Variants in STARD13 observed in about 807,000 individuals in gnomAD.
STARD13 encodes the protein stAR-related lipid transfer protein 13.
Under a neutral mutation model 106.4 loss-of-function variants are expected in STARD13, and 62 were observed. The ratio of observed to expected loss-of-function variants is 0.58; its 90% CI spans 0.48 to 0.72. The LOEUF is 0.72. STARD13 is among the 30% of genes least tolerant of loss of function. STARD13 has a pLI of 0.00. For missense variants in STARD13, 1,387 were observed against 1,424.0 expected (o/e 0.97, Z 0.42); for synonymous variants, 565 against 553.0 (o/e 1.02, Z -0.31).
chr13:33,127,846 A>T (rs935756611), intron 5 of STARD13, among the ~76,000 whole-genome samples: 1 of 148,988 alleles, frequency 6.7e-6, no homozygotes, highest in South Asian at 2.2e-4. Flanking sequence ...GCAAGCTGAG[A>T]CAGTGTGTGT....
At chr13:33,143,865 A>G (rs1880176250) in intron 3 of STARD13, among the ~76,000 whole-genome samples, 1 of 152,156 alleles carries the variant, frequency 6.6e-6, no homozygotes, top group Non-Finnish European at 1.5e-5. Flanking sequence ...TCCAGTTTTG[A>G]CCAATGAATT....
chr13:33,411,433 C>T, the STARD13 span, among the ~76,000 whole-genome samples: 1 of 152,054 alleles, frequency 6.6e-6, no homozygotes, highest in Admixed American at 6.6e-5. Context: ...TGCTCAAATG[C>T]ATTTCTGCTA....
At chr13:33,377,189 T>C in the STARD13 span, among the ~76,000 whole-genome samples, 3 of 152,230 alleles carry the variant, frequency 2.0e-5, no homozygotes, top group African/African-American at 7.2e-5. Flanking sequence ...CATCTCCTTT[T>C]CCATCAATAA....
the STARD13 span, among the ~76,000 whole-genome samples, chr13:33,650,881 G>A: frequency 9.5e-4 from 144 of 152,354 alleles, no homozygotes; most frequent in African/African-American, 3.4e-3. Flanking sequence ...AATCCCCTCT[G>A]GGGGAAGGCC....
intron 1 of STARD13, chr13:33,350,230 G>T: frequency 1.4e-6 from 2 of 1,464,634 alleles, no homozygotes; most frequent in South Asian, 2.7e-5. Flanking sequence ...GGGCCCGGGC[G>T]GGCTACGGGG....
intron 7 of STARD13, among the ~76,000 whole-genome samples, chr13:33,123,140 C>CAGGCA (rs1187162485): frequency 6.7e-6 from 1 of 149,702 alleles, no homozygotes; most frequent in Non-Finnish European, 1.5e-5. Flanking sequence ...TTATCTGAGG[C>CAGGCA]AGGCAACAGA....
rs527943341 is a variant in STARD13 at position 33,157,081 on chromosome 13, AAT to A, written c.323+8254_323+8255del. Among the ~76,000 whole-genome samples the A allele has an allele frequency of 2.6e-3, 400 of 152,304 alleles. 3 individuals carry two copies. Among genetic ancestry groups the A allele is most frequent in the Middle Eastern group, 0.014 (4 of 294 alleles). ...AAGACTTTAATTATTTAATATTATT[AAT>A]GTTATTCAACATACTCGAATCAAGT... On this transcript the variant is annotated intron_variant, in intron 3 of 13. Coordinates refer to ENST00000336934, the MANE Select transcript of STARD13 (RefSeq NM_178006.4).
At chr13:33,177,872 AG>A (rs1328482519) in intron 1 of STARD13, among the ~76,000 whole-genome samples, 5 of 11,564 alleles carry the variant, frequency 4.3e-4, no homozygotes, top group African/African-American at 2.8e-3. Context: ...GAAGGAAGGA[AG>A]GAAAGGAAGG....
the STARD13 span, among the ~76,000 whole-genome samples, chr13:33,662,249 A>G: frequency 1.1e-4 from 16 of 149,210 alleles, no homozygotes; most frequent in African/African-American, 3.8e-4. Flanking sequence ...GCGACAGAGC[A>G]AGACCCCGTC....
chr13:33,384,106 A>G, the STARD13 span, among the ~76,000 whole-genome samples: 1 of 152,346 alleles, frequency 6.6e-6, no homozygotes, highest in South Asian at 2.1e-4. Context: ...TGGCTAGCCC[A>G]GCTCTACAGC....
At chr13:33,568,743 A>G in the STARD13 span, among the ~76,000 whole-genome samples, 10 of 148,410 alleles carry the variant, frequency 6.7e-5, 2 homozygotes, top group African/African-American at 2.5e-4. Context: ...AGGCCTCAAC[A>G]TAATTTATAG....
chr13:33,642,786 G>C, the STARD13 span, among the ~76,000 whole-genome samples: 2 of 151,590 alleles, frequency 1.3e-5, no homozygotes, highest in East Asian at 3.9e-4. Flanking sequence ...GACAGTGGGG[G>C]CTGTGAGATC....
rs148386830 is a variant in STARD13 at position 33,214,623 on chromosome 13, T to C, written c.170-47001A>G. 9.2e-5 allele frequency among the ~76,000 whole-genome samples: 14 copies of C among 152,090 alleles called. No individual in the cohort carries two copies. The East Asian group carries it at 2.7e-3, about 29-fold the overall frequency. On this transcript the variant is annotated intron_variant, in intron 1 of 13. Transcript: ENST00000336934. ...AGAACTTATTAAAGACCTTAGCTTT[T>C]AATAAATCCCAGATTTTCTTTTCCA...
the STARD13 span, among the ~76,000 whole-genome samples, chr13:33,442,868 C>T: frequency 6.6e-6 from 1 of 152,134 alleles, no homozygotes; most frequent in African/African-American, 2.4e-5. Context: ...TGATGGTGAA[C>T]ATATTCTTCT....
chr13:33,327,978 A>G (rs2077795391), intron 1 of STARD13, among the ~76,000 whole-genome samples: 1 of 152,236 alleles, frequency 6.6e-6, no homozygotes, highest in Non-Finnish European at 1.5e-5. Context: ...GTGGCAGGCC[A>G]CTAATATCAT....
chr13:33,616,801 A>G, the STARD13 span, among the ~76,000 whole-genome samples: 1 of 152,252 alleles, frequency 6.6e-6, no homozygotes, highest in Admixed American at 6.5e-5. Context: ...AACTAGAAAA[A>G]TAGTCTTTAT....
the STARD13 span, among the ~76,000 whole-genome samples, chr13:33,637,601 T>C: frequency 6.6e-6 from 1 of 152,248 alleles, no homozygotes; most frequent in Non-Finnish European, 1.5e-5. Flanking sequence ...CTCACCAATC[T>C]GTGTTGCAGA....
chr13:33,600,520 C>CACAT, the STARD13 span, among the ~76,000 whole-genome samples: 64 of 152,272 alleles, frequency 4.2e-4, no homozygotes, highest in Middle Eastern at 3.4e-3. Context: ...CACACAGAAA[C>CACAT]ACATACATAC....
intron 1 of STARD13, among the ~76,000 whole-genome samples, chr13:33,198,437 C>A (rs1006248957): frequency 5.9e-5 from 9 of 151,994 alleles, no homozygotes; most frequent in Non-Finnish European, 4.4e-5. Flanking sequence ...TGTTTAGAGA[C>A]CCTGCCTAAA....
Sources: allele counts gnomAD v4.1 joint callset (sites outside exome capture counted in the v4.1 genomes callset), GRCh38; gene constraint gnomAD v4.1.1; transcripts MANE v1.5; gene names NCBI Gene and HGNC (gene_info 2026-07-23, HGNC 2026-07-21).